COL22A1: variants seen among roughly 807,000 people sequenced by gnomAD.
The protein encoded by COL22A1 is collagen alpha-1(XXII) chain.
Under a neutral mutation model 248.9 loss-of-function variants are expected in COL22A1, and 221 were observed. The ratio of observed to expected loss-of-function variants is 0.89; its 90% CI spans 0.80 to 0.99. The LOEUF (loss-of-function observed/expected upper bound fraction) is 0.99. COL22A1 is among the 50% of genes least tolerant of loss of function. The pLI is 0.00. For synonymous variants in COL22A1, 891 were observed against 793.4 expected, an observed-to-expected ratio of 1.12 and a Z score of -2.07; for missense variants, 2,240 against 2,179.0, an observed-to-expected ratio of 1.03 and a Z score of -0.56.
At chr8:138,700,292 C>T (rs1827848587) in intron 31 of COL22A1, 148 bp from the exon 32 acceptor site, 1 of 745,436 alleles carries the variant, frequency 1.3e-6, no homozygotes, top group South Asian at 1.7e-5. Flanking sequence ...ATTAGATTCA[C>T]ATCTTTCTTT....
Position 138,832,870 on chromosome 8 carries a change from C to T in COL22A1, c.845+169G>A, listed in dbSNP as rs186238917. 3.3e-4 allele frequency among the ~76,000 whole-genome samples: 50 copies of T among 152,274 alleles called. No individual in the cohort carries two copies. In the East Asian group the frequency reaches 8.7e-3, roughly 26 times the overall value. On this transcript the variant is annotated intron_variant, in intron 5 of 64. Transcript: ENST00000303045. ...ATAATAGATTGGCTAAAACACAGGT[C>T]GAATTCCCTGGTCCAGTGGTTCAGC...
intron 22 of COL22A1, among the ~76,000 whole-genome samples, chr8:138,751,028 T>C (rs569482924): frequency 4.6e-5 from 7 of 152,268 alleles, no homozygotes; most frequent in Admixed American, 2.0e-4. Context: ...CCATGAGATA[T>C]CATATCCAAT....
At chr8:138,883,025 A>T (rs1204516969) in intron 2 of COL22A1, 57 bp downstream of exon 2, 2 of 1,432,156 alleles carry the variant, frequency 1.4e-6, no homozygotes, top group Non-Finnish European at 1.9e-6. Context: ...ATGCTCACGG[A>T]CACATGCTGT....
chr8:138,885,102 G>A (rs1233737576), intron 1 of COL22A1, among the ~76,000 whole-genome samples: 2 of 152,172 alleles, frequency 1.3e-5, no homozygotes, highest in East Asian at 1.9e-4. Context: ...TTCATCTGCT[G>A]CGGGAGCCCT....
In COL22A1 at chr8:138,845,560, G is replaced by T. The variant is rs934800844; in HGVS notation, c.659-1402C>A. On this transcript the variant is annotated intron_variant, in intron 3 of 64. Coordinates refer to ENST00000303045, the MANE Select transcript of COL22A1 (RefSeq NM_152888.3). Reference sequence around the variant, plus strand: ...ATAAATAAATAATAAAAAGTTGGAAGAAAAATGAACTCTTTCAGTCCCTCT... The same window carrying T: ...ATAAATAAATAATAAAAAGTTGGAATAAAAATGAACTCTTTCAGTCCCTCT... Among the ~76,000 whole-genome samples the T allele has an allele frequency of 1.1e-4, 17 of 150,614 alleles. No individual in the cohort carries two copies. In the East Asian group the frequency reaches 1.9e-3, roughly 17 times the overall value.
chr8:138,867,294 C>T (rs1291673292), intron 3 of COL22A1, among the ~76,000 whole-genome samples: 2 of 152,144 alleles, frequency 1.3e-5, no homozygotes, highest in Non-Finnish European at 2.9e-5. Context: ...TGGAATGGAC[C>T]AGTTCCCCAT....
chr8:138,810,621 C>G (rs950620640), intron 9 of COL22A1, among the ~76,000 whole-genome samples: 1 of 152,174 alleles, frequency 6.6e-6, no homozygotes, highest in African/African-American at 2.4e-5. Context: ...GGGCCTCCAG[C>G]AAGGGAGGCC....
At chr8:138,904,385 T>G (rs1433941092) in intron 1 of COL22A1, among the ~76,000 whole-genome samples, 1 of 151,718 alleles carries the variant, frequency 6.6e-6, no homozygotes, top group Non-Finnish European at 1.5e-5. Context: ...GCCCAACCCC[T>G]GCGGCCTCCC....
chr8:138,716,413 C>G, intron 28 of COL22A1, 124 bp from the exon 29 acceptor site: 1 of 679,564 alleles, frequency 1.5e-6, no homozygotes. Flanking sequence ...GTGGACATCA[C>G]ATGGAAAGCA....
intron 4 of COL22A1, among the ~76,000 whole-genome samples, chr8:138,840,436 T>G (rs1000484511): frequency 1.3e-5 from 2 of 151,850 alleles, no homozygotes; most frequent in Non-Finnish European, 2.9e-5. Flanking sequence ...GGGCCCATAA[T>G]AGAGGGTCCC....
At chr8:138,675,058 C>T (rs529964946) in intron 41 of COL22A1, among the ~76,000 whole-genome samples, 19 of 152,314 alleles carry the variant, frequency 1.2e-4, no homozygotes, top group African/African-American at 3.6e-4. Flanking sequence ...GCATTCCACA[C>T]GCCTCCTTCC....
intron 52 of COL22A1, among the ~76,000 whole-genome samples, chr8:138,622,100 A>G (rs1413100044): frequency 1.3e-5 from 2 of 152,240 alleles, no homozygotes; most frequent in East Asian, 1.9e-4. Flanking sequence ...TAAATGGAAC[A>G]TAAACCTCAC....
intron 62 of COL22A1, among the ~76,000 whole-genome samples, chr8:138,595,601 T>A (rs1317056552): frequency 6.6e-6 from 1 of 152,206 alleles, no homozygotes; most frequent in African/African-American, 2.4e-5. Flanking sequence ...AACGTGTGCT[T>A]CAGAAAACAG....
At chr8:138,660,134 T>C (rs898110541) in intron 44 of COL22A1, among the ~76,000 whole-genome samples, 5 of 152,212 alleles carry the variant, frequency 3.3e-5, no homozygotes, top group Admixed American at 2.0e-4. Context: ...GAGACATCCC[T>C]ACCTCCTGGC....
At chr8:138,604,083 G>A (rs868377732) in intron 59 of COL22A1, among the ~76,000 whole-genome samples, 4 of 152,184 alleles carry the variant, frequency 2.6e-5, no homozygotes, top group African/African-American at 7.2e-5. Flanking sequence ...TTTCAGCTGA[G>A]ACCTCAGTTT....
intron 3 of COL22A1, among the ~76,000 whole-genome samples, chr8:138,869,362 C>T (rs1430309888): frequency 2.0e-5 from 3 of 152,140 alleles, no homozygotes; most frequent in Admixed American, 6.5e-5. Flanking sequence ...GCAAGCTGCC[C>T]GGAGCCAAAG....
chr8:138,774,547 T>G (rs2131485294), intron 16 of COL22A1, among the ~76,000 whole-genome samples: 1 of 151,516 alleles, frequency 6.6e-6, no homozygotes, highest in East Asian at 2.0e-4. Flanking sequence ...GCCTCCCGAG[T>G]AGCTGGGACT....
intron 17 of COL22A1, among the ~76,000 whole-genome samples, chr8:138,761,967 C>T (rs927389992): frequency 2.0e-5 from 3 of 152,200 alleles, no homozygotes; most frequent in Non-Finnish European, 4.4e-5. Context: ...AGACCCCTCA[C>T]ATCAGTGCAT....
At chr8:138,618,232 A>C (rs1419679917) in intron 53 of COL22A1, among the ~76,000 whole-genome samples, 2 of 152,238 alleles carry the variant, frequency 1.3e-5, no homozygotes, top group Non-Finnish European at 2.9e-5. Context: ...AAGGTCACAA[A>C]GTCAATAAAT....
Sources: gnomAD v4.1 joint callset for allele counts (sites outside exome capture counted in the v4.1 genomes callset) on GRCh38, gnomAD v4.1.1 for gene constraint, MANE v1.5 for transcripts, NCBI Gene and HGNC (gene_info 2026-07-23, HGNC 2026-07-21) for gene names.